The following NDUFAF2 variants were observed in gnomAD, a reference collection of about 807,000 sequenced individuals.
The protein encoded by NDUFAF2 is NADH dehydrogenase [ubiquinone] 1 alpha subcomplex assembly factor 2.
In NDUFAF2, 13 loss-of-function variants were observed where a neutral mutation model predicts 22.8. That is an observed-to-expected ratio of 0.57 (90% CI 0.37 to 0.91). The LOEUF (loss-of-function observed/expected upper bound fraction) is 0.91. Among genes scored for constraint, NDUFAF2 ranks in the 40% least tolerant of loss-of-function variants. NDUFAF2 has a pLI of 0.01. For synonymous variants in NDUFAF2, 53 were observed against 64.2 expected, an observed-to-expected ratio of 0.83 and a Z score of 0.84; for missense variants, 162 against 195.2, an observed-to-expected ratio of 0.83 and a Z score of 1.01.
chr5:61,141,723 C>T (rs905381110), intron 3 of NDUFAF2, among the ~76,000 whole-genome samples: 3 of 152,128 alleles, frequency 2.0e-5, no homozygotes, highest in African/African-American at 7.2e-5. Flanking sequence ...GTATATCTTT[C>T]AGGGCCACAG....
chr5:61,054,276 A>G (rs1275233825), intron 1 of NDUFAF2, among the ~76,000 whole-genome samples: 1 of 152,246 alleles, frequency 6.6e-6, no homozygotes, highest in Non-Finnish European at 1.5e-5. Flanking sequence ...TTTTAAATAT[A>G]TTCACATTGT....
chr5:60,967,166 A>T (rs1252519974), intron 1 of NDUFAF2, among the ~76,000 whole-genome samples: 1 of 151,982 alleles, frequency 6.6e-6, no homozygotes, highest in Non-Finnish European at 1.5e-5. Flanking sequence ...CAGTGTATAG[A>T]AACACTGATT....
At chr5:61,080,105 T>C (rs1232341253) in intron 2 of NDUFAF2, among the ~76,000 whole-genome samples, 1 of 152,210 alleles carries the variant, frequency 6.6e-6, no homozygotes, top group African/African-American at 2.4e-5. Context: ...GTTTGTGTAC[T>C]TGCATGAATC....
chr5:61,148,858 T>TA (rs1204803798), intron 3 of NDUFAF2, among the ~76,000 whole-genome samples: 2 of 152,242 alleles, frequency 1.3e-5, no homozygotes, highest in Non-Finnish European at 2.9e-5. Flanking sequence ...ATGTTTGGCT[T>TA]ACATTAGAAT....
chr5:61,137,540 G>T (rs370344293), intron 3 of NDUFAF2, among the ~76,000 whole-genome samples: 1 of 152,174 alleles, frequency 6.6e-6, no homozygotes, highest in East Asian at 1.9e-4. Flanking sequence ...TTAAGTTATT[G>T]GTCTTCCCTG....
chr5:61,149,605 GA>G (rs1484692258), intron 3 of NDUFAF2, among the ~76,000 whole-genome samples: 1 of 151,916 alleles, frequency 6.6e-6, no homozygotes, highest in Non-Finnish European at 1.5e-5. Context: ...AAATGTTAAA[GA>G]AAAATATTTA....
At chr5:61,027,901 C>G (rs1407333840) in intron 1 of NDUFAF2, among the ~76,000 whole-genome samples, 1 of 151,930 alleles carries the variant, frequency 6.6e-6, no homozygotes, top group African/African-American at 2.4e-5. Context: ...ACTCTTGAAT[C>G]AACAGATATT....
intron 1 of NDUFAF2, among the ~76,000 whole-genome samples, chr5:61,023,273 T>G (rs1010882241): frequency 6.6e-6 from 1 of 152,102 alleles, no homozygotes; most frequent in Non-Finnish European, 1.5e-5. Flanking sequence ...TTTTAGTTCT[T>G]TTTTTTGCAT....
chr5:61,110,840 ATTTCT>A (rs1409299721), intron 3 of NDUFAF2, among the ~76,000 whole-genome samples: 2 of 151,284 alleles, frequency 1.3e-5, no homozygotes, highest in Non-Finnish European at 3.0e-5. Context: ...GATTTTTATT[ATTTCT>A]TTTCTTCTAC....
chr5:60,954,619 A>G (rs1247887157), intron 1 of NDUFAF2, among the ~76,000 whole-genome samples: 3 of 151,996 alleles, frequency 2.0e-5, no homozygotes, highest in Non-Finnish European at 4.4e-5. Context: ...TTTTCCTTTC[A>G]TGTGTTAATT....
At chr5:61,048,848 TCTGAC>T (rs1751988025) in intron 1 of NDUFAF2, among the ~76,000 whole-genome samples, 1 of 152,094 alleles carries the variant, frequency 6.6e-6, no homozygotes, top group South Asian at 2.1e-4. Context: ...ACATCATGGT[TCTGAC>T]CTAAGTGGAT....
At chr5:61,059,500 A>G (rs957060759) in intron 1 of NDUFAF2, among the ~76,000 whole-genome samples, 1 of 152,096 alleles carries the variant, frequency 6.6e-6, no homozygotes, top group Admixed American at 6.6e-5. Flanking sequence ...CATTTTCACT[A>G]ATATAGGAAA....
At chr5:60,988,466 G>A (rs1456412588) in intron 1 of NDUFAF2, among the ~76,000 whole-genome samples, 1 of 152,124 alleles carries the variant, frequency 6.6e-6, no homozygotes, top group Non-Finnish European at 1.5e-5. Flanking sequence ...AGCTCAAGTT[G>A]CCAAAGCAAT....
intron 2 of NDUFAF2, among the ~76,000 whole-genome samples, chr5:61,092,071 A>G (rs1170728872): frequency 1.3e-5 from 2 of 152,158 alleles, no homozygotes; most frequent in Non-Finnish European, 2.9e-5. Context: ...TTGTATCAGT[A>G]CCATGCTGTT....
intron 3 of NDUFAF2, among the ~76,000 whole-genome samples, chr5:61,148,993 CAG>C (rs1416326744): frequency 4.6e-5 from 7 of 152,110 alleles, no homozygotes; most frequent in Non-Finnish European, 5.9e-5. Flanking sequence ...TTTTTTGAGA[CAG>C]AGTCTTGCTC....
At chr5:61,136,790 A>G (rs1740968600) in intron 3 of NDUFAF2, among the ~76,000 whole-genome samples, 1 of 152,200 alleles carries the variant, frequency 6.6e-6, no homozygotes, top group African/African-American at 2.4e-5. Context: ...TGCGGAACAC[A>G]TCACAGAGTT....
intron 2 of NDUFAF2, among the ~76,000 whole-genome samples, chr5:61,090,667 C>T (rs769957086): frequency 1.3e-5 from 2 of 152,080 alleles, no homozygotes; most frequent in African/African-American, 2.4e-5. Context: ...CATAATTATA[C>T]ATAAGTAACT....
chr5:60,978,771 G>T (rs945605191), intron 1 of NDUFAF2, among the ~76,000 whole-genome samples: 10 of 152,158 alleles, frequency 6.6e-5, no homozygotes, highest in African/African-American at 2.2e-4. Context: ...GCTGTACTAT[G>T]CTGGGCTCGG....
chr5:61,056,919 AATATATATATATATATAT>A (rs1174310851), intron 1 of NDUFAF2, among the ~76,000 whole-genome samples: 22 of 28,806 alleles, frequency 7.6e-4, no homozygotes, highest in African/African-American at 3.3e-3. Context: ...AAAAAAAAAA[AATATATATATATATATAT>A]ATATATATAT....
Sources: gnomAD v4.1 joint callset for allele counts (sites outside exome capture counted in the v4.1 genomes callset) on GRCh38, gnomAD v4.1.1 for gene constraint, MANE v1.5 for transcripts, NCBI Gene and HGNC (gene_info 2026-07-23, HGNC 2026-07-21) for gene names.